The following RBFOX1 variants were observed in gnomAD, a reference collection of about 807,000 sequenced individuals.
RBFOX1 encodes the protein RNA binding protein fox-1 homolog 1.
A neutral mutation model predicts 57.7 loss-of-function variants in RBFOX1; 8 were observed. The ratio of observed to expected loss-of-function variants is 0.14; its 90% confidence interval spans 0.08 to 0.25. The LOEUF is 0.25. RBFOX1 is among the 10% of genes least tolerant of loss of function. RBFOX1 has a pLI of 1.00. For synonymous variants in RBFOX1, 326 were observed against 222.4 expected (o/e 1.47, Z -4.15); for missense variants, 611 against 548.5 (o/e 1.11, Z -1.14).
chr16:6,989,071 A>G (rs1176628888), intron 3 of RBFOX1, among the ~76,000 whole-genome samples: 1 of 151,810 alleles, frequency 6.6e-6, no homozygotes, highest in Non-Finnish European at 1.5e-5. Context: ...CTTTTTTGGT[A>G]TTTTTAGTAG....
At chr16:7,453,376 G>A (rs1342464675) in intron 4 of RBFOX1, among the ~76,000 whole-genome samples, 1 of 152,120 alleles carries the variant, frequency 6.6e-6, no homozygotes, top group African/African-American at 2.4e-5. Flanking sequence ...GAGGTGGAGA[G>A]TGGCCCAAGT....
At chr16:6,127,516 C>T (rs776021491) in intron 1 of RBFOX1, among the ~76,000 whole-genome samples, 1 of 152,016 alleles carries the variant, frequency 6.6e-6, no homozygotes, top group African/African-American at 2.4e-5. Context: ...CTTTGAATTC[C>T]GAAAGTGAGA....
chr16:7,107,076 A>G (rs575865724), intron 4 of RBFOX1, among the ~76,000 whole-genome samples: 35 of 152,068 alleles, frequency 2.3e-4, no homozygotes, highest in Non-Finnish European at 4.1e-4. Context: ...TTCTATAAGG[A>G]ACTGATATTT....
chr16:6,738,854 T>C (rs2071223143), intron 3 of RBFOX1, among the ~76,000 whole-genome samples: 1 of 152,106 alleles, frequency 6.6e-6, no homozygotes, highest in Admixed American at 6.5e-5. Flanking sequence ...TCCCAAACAC[T>C]TGGAAGCTAA....
chr16:6,868,523 G>T (rs1222995813), intron 3 of RBFOX1, among the ~76,000 whole-genome samples: 1 of 152,082 alleles, frequency 6.6e-6, no homozygotes, highest in East Asian at 1.9e-4. Context: ...CCAGGCTGGA[G>T]TGCGGTAGTA....
At chr16:6,852,182 A>G (rs181901357) in intron 3 of RBFOX1, among the ~76,000 whole-genome samples, 5 of 152,220 alleles carry the variant, frequency 3.3e-5, no homozygotes, top group East Asian at 3.9e-4. Flanking sequence ...CCTGCAACCA[A>G]GGTTTTGATA....
intron 3 of RBFOX1, among the ~76,000 whole-genome samples, chr16:6,771,380 C>A (rs113561742): frequency 6.6e-6 from 1 of 152,102 alleles, no homozygotes; most frequent in Non-Finnish European, 1.5e-5. Flanking sequence ...GTACACAGAT[C>A]TTTCTGACGC....
intron 4 of RBFOX1, among the ~76,000 whole-genome samples, chr16:5,956,224 C>T (rs114945763): frequency 0.011 from 1,659 of 152,136 alleles, 31 homozygotes; most frequent in African/African-American, 0.037. Flanking sequence ...TGCAATGAGC[C>T]GAGATTACTC....
At chr16:7,634,954 A>G (rs909262807) in intron 11 of RBFOX1, among the ~76,000 whole-genome samples, 4 of 152,226 alleles carry the variant, frequency 2.6e-5, no homozygotes, top group Non-Finnish European at 5.9e-5. Flanking sequence ...TTCAATAGAA[A>G]CAATTCAACC....
chr16:5,361,974 A>G (rs1212545484), intron 1 of RBFOX1, among the ~76,000 whole-genome samples: 1 of 152,170 alleles, frequency 6.6e-6, no homozygotes, highest in Non-Finnish European at 1.5e-5. Context: ...AGAGCTAAAA[A>G]CCACCACAAT....
intron 4 of RBFOX1, among the ~76,000 whole-genome samples, chr16:7,152,321 A>C (rs1178567783): frequency 6.6e-6 from 1 of 152,168 alleles, no homozygotes; most frequent in Admixed American, 6.5e-5. Context: ...TACCAGAAAA[A>C]CTACAGAAGG....
At chr16:5,744,176 C>T (rs1314868487) in intron 3 of RBFOX1, among the ~76,000 whole-genome samples, 2 of 152,024 alleles carry the variant, frequency 1.3e-5, no homozygotes, top group African/African-American at 4.8e-5. Context: ...TCTGGAGCTC[C>T]TTCCTCTTAT....
At chr16:7,474,847 G>C (rs1302431887) in intron 4 of RBFOX1, among the ~76,000 whole-genome samples, 1 of 152,174 alleles carries the variant, frequency 6.6e-6, no homozygotes, top group African/African-American at 2.4e-5. Context: ...TTTGTGTGTT[G>C]GCTGTTACTG....
At position 7,394,998 on chromosome 16, in the gene RBFOX1, T is replaced by C. The variant is rs537892494; in HGVS notation, c.28-123149T>C. On this transcript the variant is annotated intron_variant, in intron 4 of 15. Coordinates refer to ENST00000550418, the MANE Select transcript of RBFOX1 (RefSeq NM_018723.4). ...TGAGCCTGTGTACGTGCTGAGGAAA[T>C]GTAATGGGCTGTGGTTGTGTGTTTG... is the stretch of plus-strand genomic sequence containing the variant. 2.6e-5 allele frequency among the ~76,000 whole-genome samples: 4 copies of C among 152,206 alleles called. No individual in the cohort carries two copies. The South Asian group carries it at 8.3e-4, about 32-fold the overall frequency.
intron 4 of RBFOX1, among the ~76,000 whole-genome samples, chr16:6,004,160 C>T (rs943286822): frequency 6.6e-5 from 10 of 152,104 alleles, no homozygotes; most frequent in African/African-American, 2.2e-4. Context: ...AACAAACCTG[C>T]ACGTCTTACA....
chr16:6,996,340 C>G (rs185537930), intron 3 of RBFOX1, among the ~76,000 whole-genome samples: 148 of 152,080 alleles, frequency 9.7e-4, no homozygotes, highest in African/African-American at 3.3e-3. Context: ...TCGGACAGCT[C>G]TTTTTCTGTT....
At chr16:5,780,186 G>T (rs2054281362) in intron 3 of RBFOX1, among the ~76,000 whole-genome samples, 1 of 152,084 alleles carries the variant, frequency 6.6e-6, no homozygotes. Flanking sequence ...TATTTTTAGT[G>T]GAGATGGGAT....
chr16:6,178,111 A>G (rs1285049318), intron 1 of RBFOX1, among the ~76,000 whole-genome samples: 1 of 145,534 alleles, frequency 6.9e-6, no homozygotes, highest in Non-Finnish European at 1.5e-5. Context: ...TAGTGTGAAT[A>G]TTTGGTTATG....
At chr16:6,985,864 TTTTTCTTTTTC>T (rs1011059947) in intron 3 of RBFOX1, among the ~76,000 whole-genome samples, 7 of 149,790 alleles carry the variant, frequency 4.7e-5, no homozygotes, top group African/African-American at 1.7e-4. Flanking sequence ...TTTTTTTTCT[TTTTTCTTTTTC>T]TTTTCTTTTT....
Sources: allele counts gnomAD v4.1 joint callset (sites outside exome capture counted in the v4.1 genomes callset), GRCh38; gene constraint gnomAD v4.1.1; transcripts MANE v1.5; gene names NCBI Gene and HGNC (gene_info 2026-07-23, HGNC 2026-07-21).